The following NCKAP5 variants were observed in gnomAD, a reference collection of about 807,000 sequenced individuals.
NCKAP5 encodes the protein nck-associated protein 5.
Under a neutral mutation model 167.0 loss-of-function variants are expected in NCKAP5, and 92 were observed. The ratio of observed to expected loss-of-function variants is 0.55; its 90% CI spans 0.47 to 0.66. The LOEUF is 0.66. NCKAP5 is among the 30% of genes least tolerant of loss of function. NCKAP5 has a pLI of 0.00. For synonymous variants in NCKAP5, 891 were observed against 877.4 expected (o/e 1.02, Z -0.27); for missense variants, 2,378 against 2,315.0 (o/e 1.03, Z -0.56).
chr2:133,343,142 C>T (rs889071464), intron 3 of NCKAP5, among the ~76,000 whole-genome samples: 4 of 152,190 alleles, frequency 2.6e-5, no homozygotes, highest in Admixed American at 1.3e-4. Context: ...GCATTTGTTA[C>T]AGTTTGCACA....
At chr2:133,636,130 G>A in the NCKAP5 span, among the ~76,000 whole-genome samples, 1 of 152,194 alleles carries the variant, frequency 6.6e-6, no homozygotes, top group Non-Finnish European at 1.5e-5. Context: ...CTAAGATTAT[G>A]TACTGTGGCG....
intron 6 of NCKAP5, among the ~76,000 whole-genome samples, chr2:133,115,886 C>T (rs560108108): frequency 5.4e-4 from 78 of 143,910 alleles, no homozygotes; most frequent in African/African-American, 1.9e-3. Flanking sequence ...TTGCTTTTTC[C>T]GGTGATTGAT....
At chr2:132,799,980 G>A (rs1684901488) in intron 11 of NCKAP5, among the ~76,000 whole-genome samples, 2 of 152,102 alleles carry the variant, frequency 1.3e-5, no homozygotes, top group Non-Finnish European at 2.9e-5. Context: ...AACTGTGAAA[G>A]CACACAACCC....
the NCKAP5 span, among the ~76,000 whole-genome samples, chr2:133,597,806 C>A: frequency 6.6e-6 from 1 of 152,072 alleles, no homozygotes; most frequent in Non-Finnish European, 1.5e-5. Flanking sequence ...TAAGCACAGC[C>A]AGTGGATGCA....
At chr2:133,542,064 T>C (rs1479186266) in intron 2 of NCKAP5, among the ~76,000 whole-genome samples, 3 of 152,186 alleles carry the variant, frequency 2.0e-5, no homozygotes, top group African/African-American at 7.2e-5. Context: ...TGAGATCATA[T>C]GCCTGCATCC....
intron 3 of NCKAP5, among the ~76,000 whole-genome samples, chr2:133,446,822 G>C (rs1003831830): frequency 6.6e-6 from 1 of 152,156 alleles, no homozygotes; most frequent in East Asian, 1.9e-4. Context: ...GCAGGAAGAA[G>C]AGGTGAGAAG....
chr2:133,017,767 C>T (rs2149381891), intron 6 of NCKAP5, among the ~76,000 whole-genome samples: 1 of 151,386 alleles, frequency 6.6e-6, no homozygotes, highest in South Asian at 2.1e-4. Context: ...TCCCCAAACA[C>T]ATGAAAGCAG....
Position 133,321,428 on chromosome 2 carries a change from G to T in NCKAP5, c.70-18318C>A, listed in dbSNP as rs563460514. On this transcript the variant is annotated intron_variant, in intron 3 of 19. Coordinates refer to ENST00000409261, the MANE Select transcript of NCKAP5 (RefSeq NM_207363.3). ...AAGACTGCACCTGAACATTCATGTT[G>T]TCTTTACACATAGGATCACAAGATA... is the stretch of plus-strand genomic sequence containing the variant. Among the ~76,000 whole-genome samples the T allele has an allele frequency of 2.6e-5, 4 of 152,288 alleles. No individual in the cohort carries two copies. In the South Asian group the frequency reaches 8.3e-4, roughly 32 times the overall value.
chr2:133,060,581 A>G (rs1302711662), intron 6 of NCKAP5, among the ~76,000 whole-genome samples: 2 of 152,142 alleles, frequency 1.3e-5, no homozygotes, highest in African/African-American at 4.8e-5. Flanking sequence ...TTCACTGCCA[A>G]CTCTAATCCT....
intron 3 of NCKAP5, among the ~76,000 whole-genome samples, chr2:133,382,264 G>A (rs1459728863): frequency 6.6e-6 from 1 of 152,126 alleles, no homozygotes; most frequent in African/African-American, 2.4e-5. Context: ...CTATGGTAGT[G>A]TTAAATACTC....
chr2:132,736,779 G>A (rs756577234), intron 16 of NCKAP5, among the ~76,000 whole-genome samples: 5 of 152,170 alleles, frequency 3.3e-5, no homozygotes, highest in African/African-American at 7.2e-5. Context: ...GTGAGACTCC[G>A]TCTCAAAACA....
At chr2:133,223,103 T>C (rs1363863299) in intron 4 of NCKAP5, among the ~76,000 whole-genome samples, 1 of 136,878 alleles carries the variant, frequency 7.3e-6, no homozygotes, top group African/African-American at 3.0e-5. Context: ...AATATAAACC[T>C]ATGCTCAGGC....
intron 7 of NCKAP5, among the ~76,000 whole-genome samples, chr2:132,988,331 A>C (rs2077349826): frequency 6.6e-6 from 1 of 152,020 alleles, no homozygotes; most frequent in Non-Finnish European, 1.5e-5. Context: ...GCGTGGTGGC[A>C]CACGACTGTA....
chr2:132,787,444 C>T (rs1683679798), intron 13 of NCKAP5, among the ~76,000 whole-genome samples: 1 of 151,848 alleles, frequency 6.6e-6, no homozygotes, highest in Non-Finnish European at 1.5e-5. Context: ...GTTTTGGCTA[C>T]ATCAGTCTCC....
At chr2:133,273,415 G>T (rs1419332179) in intron 4 of NCKAP5, among the ~76,000 whole-genome samples, 5 of 151,952 alleles carry the variant, frequency 3.3e-5, no homozygotes, top group African/African-American at 1.2e-4. Context: ...TGAGTCAGGG[G>T]CTCATTACCC....
intron 2 of NCKAP5, among the ~76,000 whole-genome samples, chr2:133,532,053 G>T (rs948562117): frequency 2.0e-5 from 3 of 152,120 alleles, no homozygotes; most frequent in Non-Finnish European, 4.4e-5. Flanking sequence ...ACGATATACA[G>T]CACTGTTTTA....
intron 2 of NCKAP5, among the ~76,000 whole-genome samples, chr2:133,534,575 A>G (rs1034566339): frequency 6.6e-6 from 1 of 152,166 alleles, no homozygotes; most frequent in Non-Finnish European, 1.5e-5. Context: ...CTTCCCACAC[A>G]TAGAATCATG....
At chr2:132,681,283 T>C (rs1403109102) in intron 19 of NCKAP5, among the ~76,000 whole-genome samples, 1 of 151,914 alleles carries the variant, frequency 6.6e-6, no homozygotes, top group East Asian at 1.9e-4. Flanking sequence ...TTTTCATTTA[T>C]GTATACCATA....
At chr2:133,252,304 T>C (rs973618537) in intron 4 of NCKAP5, among the ~76,000 whole-genome samples, 27 of 152,200 alleles carry the variant, frequency 1.8e-4, no homozygotes, top group African/African-American at 6.5e-4. Context: ...GGCCCTTAAA[T>C]GGAAAGAAAT....
Sources: gnomAD v4.1 joint callset for allele counts (sites outside exome capture counted in the v4.1 genomes callset) on GRCh38, gnomAD v4.1.1 for gene constraint, MANE v1.5 for transcripts, NCBI Gene and HGNC (gene_info 2026-07-23, HGNC 2026-07-21) for gene names.